Variants in FHAD1 observed in about 807,000 individuals in gnomAD.
FHAD1 encodes the protein forkhead-associated domain-containing protein 1.
Under a neutral mutation model 191.3 loss-of-function variants are expected in FHAD1, and 146 were observed. That is an observed-to-expected ratio of 0.76 (90% CI 0.67 to 0.88). FHAD1 has a LOEUF of 0.88. Ranked by LOEUF, FHAD1 falls within the 40% of genes least tolerant of loss-of-function variation. The pLI, the probability that FHAD1 is intolerant of heterozygous loss-of-function variation, is 0.00. For missense variants in FHAD1, 1,635 were observed against 1,785.8 expected, an observed-to-expected ratio of 0.92 and a Z score of 1.52; for synonymous variants, 616 against 672.3, an observed-to-expected ratio of 0.92 and a Z score of 1.29.
intron 14 of FHAD1, among the ~76,000 whole-genome samples, chr1:15,339,064 G>A (rs747367258): frequency 2.6e-5 from 4 of 151,914 alleles, no homozygotes; most frequent in South Asian, 2.1e-4. Flanking sequence ...TCACCTGAGC[G>A]GGAATGCAGT....
chr1:15,247,191 C>T (rs772044265), upstream of FHAD1: 1 of 150,428 alleles, frequency 6.6e-6, no homozygotes, highest in African/African-American at 2.4e-5. Context: ...ACGCCCTCAT[C>T]TATTAGGCTG....
chr1:15,259,105 T>C (rs1358463929), intron 2 of FHAD1, among the ~76,000 whole-genome samples: 3 of 152,166 alleles, frequency 2.0e-5, no homozygotes, highest in African/African-American at 7.2e-5. Context: ...GTGGTTGTTT[T>C]TACAGTAGCC....
In FHAD1 at chr1:15,383,560, C is replaced by T. The variant is rs74057324; in HGVS notation, c.4188+1367C>T. Reference sequence around the variant, plus strand: ...CAGTTGACATATTCATCATCCACTCCTGCAGTCCACAAGGCACTGGAACAG... The same window carrying T: ...CAGTTGACATATTCATCATCCACTCTTGCAGTCCACAAGGCACTGGAACAG... On this transcript the variant is annotated intron_variant, in intron 31 of 33. Coordinates refer to ENST00000688493, the MANE Select transcript of FHAD1 (RefSeq NM_001391957.1). The T allele has an allele frequency of 1.9e-3, 648 of 334,376 alleles. 9 individuals carry two copies. The highest frequency in any genetic ancestry group is 0.012 in the African/African-American group (571 of 46,634). The allele number at this position is 334,376 out of a possible 1,614,324, so 20.7% of individuals were successfully genotyped here.
At chr1:15,338,059 T>C (rs1243410197) in intron 14 of FHAD1, among the ~76,000 whole-genome samples, 1 of 151,984 alleles carries the variant, frequency 6.6e-6, no homozygotes, top group African/African-American at 2.4e-5. Flanking sequence ...TGCTCCTCCC[T>C]CTCCCATCAT....
intron 26 of FHAD1, 32 bp from the exon 27 acceptor site, chr1:15,374,470 A>G: frequency 1.3e-6 from 2 of 1,550,922 alleles, no homozygotes; most frequent in Non-Finnish European, 1.7e-6. Context: ...CTAATCCCTG[A>G]TCAAATGCTG....
Position 15,381,465 on chromosome 1 carries a change from C to T in FHAD1, c.4022+14C>T. The T allele has an allele frequency of 6.5e-7, 1 of 1,543,922 alleles. No individual in the cohort carries two copies. Among genetic ancestry groups the T allele is most frequent in the Non-Finnish European group, 8.8e-7 (1 of 1,141,076 alleles). On this transcript the variant is annotated intron_variant, in intron 30 of 33. Coordinates refer to ENST00000688493, the MANE Select transcript of FHAD1 (RefSeq NM_001391957.1). The surrounding 1 kb of genome is among the most constrained non-coding windows in gnomAD (Gnocchi z 4.6). ...TGAACAGCTCAGGTACCTCGGCACCCCCATGTCCCCACAGAAAGGCCCGGG... is the reference window on the plus strand; with the variant it reads ...TGAACAGCTCAGGTACCTCGGCACCTCCATGTCCCCACAGAAAGGCCCGGG...
chr1:15,255,515 C>T (rs1204922082), intron 2 of FHAD1, among the ~76,000 whole-genome samples: 1 of 152,194 alleles, frequency 6.6e-6, no homozygotes, highest in East Asian at 1.9e-4. Flanking sequence ...TTTAGCCAGC[C>T]TGGTTTTTGC....
chr1:15,391,870 T>G (rs78844823), intron 33 of FHAD1, among the ~76,000 whole-genome samples: 4,827 of 152,292 alleles, frequency 0.032, 93 homozygotes, highest in Middle Eastern at 0.068. Flanking sequence ...CCCCTAGACC[T>G]GAGACTTTTG....
rs1752017 is a variant in FHAD1 at position 15,247,273 on chromosome 1, G to A, written c.-137G>A. 56,563 of 182,748 alleles carry A rather than the reference G, an allele frequency of 0.31. 10,066 individuals are homozygous for A. Among genetic ancestry groups the A allele is most frequent in the Non-Finnish European group, 0.39 (32,809 of 83,848 alleles). The allele number at this position is 182,748 out of a possible 1,614,324, so 11.3% of individuals were successfully genotyped here. On this transcript the variant is annotated 5_prime_UTR_variant, in exon 1 of 34. Transcript: ENST00000688493. ...GGCCGGCCGGGCGGGCGGGGTGCCG[G>A]GTGCGAGCTGGAGACTCCGCGGGAG...
chr1:15,248,120 C>G (rs535527373), intron 1 of FHAD1, among the ~76,000 whole-genome samples: 1 of 151,400 alleles, frequency 6.6e-6, no homozygotes, highest in African/African-American at 2.4e-5. Context: ...TAGTTACTGT[C>G]AGAGGTTCTT....
intron 28 of FHAD1, among the ~76,000 whole-genome samples, chr1:15,378,094 A>G: frequency 6.6e-6 from 1 of 152,212 alleles, no homozygotes; most frequent in Non-Finnish European, 1.5e-5. Flanking sequence ...ACTTGAGGCT[A>G]GAAGTTTGAG....
intron 3 of FHAD1, among the ~76,000 whole-genome samples, chr1:15,288,418 C>A (rs187400888): frequency 6.6e-6 from 1 of 152,366 alleles, no homozygotes. Context: ...AGCATCTTCC[C>A]CGGGGCCTCT....
rs911630680 is a variant in FHAD1 at position 15,312,466 on chromosome 1, G to A, written c.1040-591G>A. On this transcript the variant is annotated intron_variant, in intron 7 of 33. Transcript: ENST00000688493. The surrounding 1 kb of genome is among the most constrained non-coding windows in gnomAD (Gnocchi z 4.7). ...GCTTCAGCCTGGGAGTTTGAGACCC[G>A]CCTGGGCAACATGGGCAAAACTCCA... is the stretch of plus-strand genomic sequence containing the variant. Among the ~76,000 whole-genome samples the A allele has an allele frequency of 2.6e-5, 4 of 152,230 alleles. No individual in the cohort carries two copies. Among genetic ancestry groups the A allele is most frequent in the Admixed American group, 1.3e-4 (2 of 15,290 alleles).
chr1:15,388,690 C>T (rs1279373164), intron 32 of FHAD1, among the ~76,000 whole-genome samples: 2 of 152,096 alleles, frequency 1.3e-5, no homozygotes, highest in African/African-American at 4.8e-5. Flanking sequence ...TTACTCCGAC[C>T]TTCCTGGCAG....
At chr1:15,299,384 G>T (rs1246922933) in intron 5 of FHAD1, among the ~76,000 whole-genome samples, 1 of 152,154 alleles carries the variant, frequency 6.6e-6, no homozygotes, top group Non-Finnish European at 1.5e-5. Context: ...TGCTTTTGCA[G>T]CAGGCTGGCT....
intron 7 of FHAD1, among the ~76,000 whole-genome samples, chr1:15,310,500 C>T (rs1671939003): frequency 6.6e-6 from 1 of 152,222 alleles, no homozygotes; most frequent in Non-Finnish European, 1.5e-5. Context: ...TCAGACACCA[C>T]TCCTCTAATC....
rs772225551 is a variant in FHAD1 at position 15,393,415 on chromosome 1, G to GACAC, written c.4323+2163_4323+2166dup. Among the ~76,000 whole-genome samples the GACAC allele has an allele frequency of 1.6e-4, 20 of 127,756 alleles. No homozygotes were observed. In the East Asian group the frequency reaches 2.3e-3, roughly 15 times the overall value. The allele number at this position is 127,756 out of a possible 152,430, so 83.8% of individuals were successfully genotyped here. ...CAATAGCCATATCTACATAGATGTGGACACACACACACACGCACACACACA... is the reference window on the plus strand; with the variant it reads ...CAATAGCCATATCTACATAGATGTGGACACACACACACACACACGCACACACACA... On this transcript the variant is annotated intron_variant, in intron 33 of 33. Transcript: ENST00000688493.
chr1:15,361,897 G>C (rs1373200947), intron 22 of FHAD1, among the ~76,000 whole-genome samples: 5 of 151,980 alleles, frequency 3.3e-5, no homozygotes, highest in African/African-American at 1.2e-4. Flanking sequence ...CCAGCTACTC[G>C]GGAGGCTGAG....
chr1:15,353,902 C>T (rs1324031648), intron 20 of FHAD1, among the ~76,000 whole-genome samples: 1 of 152,014 alleles, frequency 6.6e-6, no homozygotes, highest in Admixed American at 6.6e-5. Flanking sequence ...AAGTGGATTT[C>T]GCACCTGACC....
Sources: allele counts gnomAD v4.1 joint callset (sites outside exome capture counted in the v4.1 genomes callset), GRCh38; gene constraint gnomAD v4.1.1; non-coding constraint Gnocchi (gnomAD v3.1); transcripts MANE v1.5; gene names NCBI Gene and HGNC (gene_info 2026-07-23, HGNC 2026-07-21).